The following CNTN5 variants were observed in gnomAD, a reference collection of about 807,000 sequenced individuals.
CNTN5 encodes the protein contactin 5, also known as contactin-5.
CNTN5 carries 77 observed loss-of-function variants against 129.1 expected under a neutral mutation model. The ratio of observed to expected loss-of-function variants is 0.60; its 90% CI spans 0.50 to 0.72. CNTN5 has a LOEUF of 0.72. Ranked by LOEUF, CNTN5 falls within the 30% of genes least tolerant of loss-of-function variation. CNTN5 has a pLI of 0.00. For missense variants in CNTN5, 1,478 were observed against 1,328.8 expected (o/e 1.11, Z -1.75); for synonymous variants, 509 against 465.6 (o/e 1.09, Z -1.20).
rs1414770576 is a variant in CNTN5 at position 99,914,249 on chromosome 11, A to T, written c.578-1805A>T. 2.0e-5 allele frequency among the ~76,000 whole-genome samples: 3 copies of T among 152,094 alleles called. No homozygotes were observed. In the South Asian group the frequency reaches 6.2e-4, roughly 31 times the overall value. On this transcript the variant is annotated intron_variant, in intron 6 of 24. Coordinates refer to ENST00000524871, the MANE Select transcript of CNTN5 (RefSeq NM_014361.4). ...AGGAGGCTCTCAAAATATACATTAA[A>T]GTCCTGCCACAACCACTGCCTAACT...
At chr11:99,638,594 C>A (rs960826127) in intron 3 of CNTN5, among the ~76,000 whole-genome samples, 6 of 152,150 alleles carry the variant, frequency 3.9e-5, no homozygotes, top group Non-Finnish European at 8.8e-5. Flanking sequence ...GTGGTACAGG[C>A]AATTGGGTAA....
intron 3 of CNTN5, among the ~76,000 whole-genome samples, chr11:99,734,638 G>A (rs539323931): frequency 2.3e-4 from 35 of 151,650 alleles, no homozygotes; most frequent in African/African-American, 6.8e-4. Flanking sequence ...TTTTCCATAC[G>A]TAGTCGTTTT....
chr11:99,896,376 C>T (rs1329726146), intron 6 of CNTN5, among the ~76,000 whole-genome samples: 1 of 152,178 alleles, frequency 6.6e-6, no homozygotes, highest in Admixed American at 6.5e-5. Context: ...ACAGCTGCTG[C>T]TGTCTCTGCA....
chr11:100,096,414 G>A (rs879745225), intron 13 of CNTN5, among the ~76,000 whole-genome samples: 3 of 151,986 alleles, frequency 2.0e-5, no homozygotes, highest in South Asian at 4.1e-4. Flanking sequence ...ATATATACCC[G>A]TATTCTGGGA....
intron 3 of CNTN5, among the ~76,000 whole-genome samples, chr11:99,612,007 G>A (rs1431458650): frequency 1.3e-5 from 2 of 152,116 alleles, no homozygotes; most frequent in African/African-American, 4.8e-5. Context: ...ATTGCATTTT[G>A]TATTTTTCAA....
chr11:100,055,950 G>A (rs188994528), intron 9 of CNTN5, among the ~76,000 whole-genome samples: 24 of 151,336 alleles, frequency 1.6e-4, no homozygotes, highest in Middle Eastern at 6.8e-3. Flanking sequence ...ACTAACTGAT[G>A]CCCATATTTA....
chr11:99,615,991 C>T (rs1950748750), intron 3 of CNTN5, among the ~76,000 whole-genome samples: 1 of 152,084 alleles, frequency 6.6e-6, no homozygotes, highest in Admixed American at 6.6e-5. Flanking sequence ...ACTCCTCGGC[C>T]TCTCAATGTG....
At chr11:99,526,741 T>G (rs1423465728) in intron 2 of CNTN5, among the ~76,000 whole-genome samples, 2 of 152,252 alleles carry the variant, frequency 1.3e-5, no homozygotes, top group African/African-American at 4.8e-5. Flanking sequence ...TAACTGATGC[T>G]TCTTTACAAC....
At chr11:99,045,015 G>T (rs1362587539) in intron 1 of CNTN5, among the ~76,000 whole-genome samples, 1 of 152,106 alleles carries the variant, frequency 6.6e-6, no homozygotes, top group Non-Finnish European at 1.5e-5. Flanking sequence ...ATGTTATTGT[G>T]AAGATTAGGT....
At chr11:100,278,043 C>G (rs1168885365) in intron 18 of CNTN5, among the ~76,000 whole-genome samples, 1 of 152,020 alleles carries the variant, frequency 6.6e-6, no homozygotes, top group Non-Finnish European at 1.5e-5. Flanking sequence ...TCCAGTTTTC[C>G]CAGAACTATT....
intron 1 of CNTN5, among the ~76,000 whole-genome samples, chr11:99,083,930 A>G (rs1226410905): frequency 1.3e-5 from 2 of 152,170 alleles, no homozygotes; most frequent in Non-Finnish European, 2.9e-5. Flanking sequence ...TCGCATCCCT[A>G]GAATATTTTA....
chr11:99,350,643 T>G (rs1217258605), intron 2 of CNTN5, among the ~76,000 whole-genome samples: 1 of 152,050 alleles, frequency 6.6e-6, no homozygotes, highest in Non-Finnish European at 1.5e-5. Context: ...AAACTACTGA[T>G]CATGTAACAG....
chr11:99,156,727 A>T (rs1005488957), intron 1 of CNTN5, among the ~76,000 whole-genome samples: 5 of 151,990 alleles, frequency 3.3e-5, no homozygotes, highest in African/African-American at 1.2e-4. Context: ...TGCTTTGTCA[A>T]TATTGTTCTT....
intron 18 of CNTN5, among the ~76,000 whole-genome samples, chr11:100,295,487 A>G (rs762401271): frequency 2.0e-5 from 3 of 151,590 alleles, no homozygotes; most frequent in Non-Finnish European, 3.0e-5. Flanking sequence ...TTAAAAATCT[A>G]AATTGGTAAA....
chr11:99,584,067 C>T (rs753212397), intron 3 of CNTN5, among the ~76,000 whole-genome samples: 1 of 152,098 alleles, frequency 6.6e-6, no homozygotes, highest in Non-Finnish European at 1.5e-5. Flanking sequence ...TAATTTTTTA[C>T]TGGGATCAAA....
At chr11:99,927,255 A>G (rs1267066544) in intron 7 of CNTN5, among the ~76,000 whole-genome samples, 1 of 152,168 alleles carries the variant, frequency 6.6e-6, no homozygotes, top group African/African-American at 2.4e-5. Flanking sequence ...TTACCACCAC[A>G]TTGCAAATGG....
At chr11:99,688,152 A>G (rs1278244608) in intron 3 of CNTN5, among the ~76,000 whole-genome samples, 2 of 152,212 alleles carry the variant, frequency 1.3e-5, no homozygotes, top group Non-Finnish European at 2.9e-5. Flanking sequence ...GATGAGTTAA[A>G]GGAAACAGAG....
chr11:99,310,887 C>G (rs552102027), intron 1 of CNTN5, among the ~76,000 whole-genome samples: 1 of 151,838 alleles, frequency 6.6e-6, no homozygotes, highest in African/African-American at 2.4e-5. Flanking sequence ...GAGCATATAC[C>G]TTTTTCCTCC....
intron 7 of CNTN5, among the ~76,000 whole-genome samples, chr11:99,942,483 A>C (rs1950461863): frequency 2.0e-5 from 3 of 152,060 alleles, no homozygotes; most frequent in African/African-American, 7.2e-5. Flanking sequence ...TGTATCTACA[A>C]AATTTCAGAA....
Sources: allele counts gnomAD v4.1 joint callset (sites outside exome capture counted in the v4.1 genomes callset), GRCh38; gene constraint gnomAD v4.1.1; transcripts MANE v1.5; gene names NCBI Gene and HGNC (gene_info 2026-07-23, HGNC 2026-07-21).